The following CNTNAP5 variants were observed in gnomAD, a reference collection of about 807,000 sequenced individuals.
The protein encoded by CNTNAP5 is contactin associated protein family member 5.
Under a neutral mutation model 150.2 loss-of-function variants are expected in CNTNAP5, and 72 were observed. The ratio of observed to expected loss-of-function variants is 0.48; its 90% CI spans 0.40 to 0.58. The LOEUF (loss-of-function observed/expected upper bound fraction) is 0.58. Ranked by LOEUF, CNTNAP5 falls within the 20% of genes least tolerant of loss-of-function variation. CNTNAP5 has a pLI of 0.00. For missense variants in CNTNAP5, 1,636 were observed against 1,626.2 expected, an observed-to-expected ratio of 1.01 and a Z score of -0.10; for synonymous variants, 672 against 619.8, an observed-to-expected ratio of 1.08 and a Z score of -1.25.
chr2:124,399,197 G>C (rs562573572), intron 3 of CNTNAP5, among the ~76,000 whole-genome samples: 1 of 152,082 alleles, frequency 6.6e-6, no homozygotes, highest in African/African-American at 2.4e-5. Context: ...AACAGAAAAA[G>C]TTGAAAGTCA....
intron 13 of CNTNAP5, among the ~76,000 whole-genome samples, chr2:124,656,018 G>C (rs1388921399): frequency 7.4e-6 from 1 of 134,830 alleles, no homozygotes; most frequent in Non-Finnish European, 1.6e-5. Context: ...AAGGAAGGAA[G>C]GAAGGGAGGG....
chr2:124,733,462 G>A (rs945544230), intron 13 of CNTNAP5, among the ~76,000 whole-genome samples: 1 of 152,068 alleles, frequency 6.6e-6, no homozygotes, highest in Non-Finnish European at 1.5e-5. Flanking sequence ...ATTTACATAT[G>A]TCAAAATGTG....
At position 124,056,249 on chromosome 2, in the gene CNTNAP5, G is replaced by A. The variant is rs114844439; in HGVS notation, c.82+30517G>A. Among the ~76,000 whole-genome samples the A allele has an allele frequency of 4.1e-3, 621 of 152,210 alleles. 3 individuals are homozygous for A. Among genetic ancestry groups the A allele is most frequent in the African/African-American group, 0.014 (580 of 41,518 alleles). Reference sequence around the variant, plus strand: ...CTTCCAAATTAGAGAGAAGCTGGTCGGAAATTGACCATCTCCTCTCACTAG... The same window carrying A: ...CTTCCAAATTAGAGAGAAGCTGGTCAGAAATTGACCATCTCCTCTCACTAG... On this transcript the variant is annotated intron_variant, in intron 1 of 23. Coordinates refer to ENST00000682447, the MANE Select transcript of CNTNAP5 (RefSeq NM_001367498.1).
intron 1 of CNTNAP5, among the ~76,000 whole-genome samples, chr2:124,046,456 A>C (rs1681541382): frequency 6.7e-6 from 1 of 150,142 alleles, no homozygotes; most frequent in East Asian, 1.9e-4. Flanking sequence ...AAAACAGAGA[A>C]TAACAGGTTA....
chr2:124,206,393 C>T (rs931081038), intron 1 of CNTNAP5, among the ~76,000 whole-genome samples: 3 of 152,140 alleles, frequency 2.0e-5, no homozygotes, highest in Non-Finnish European at 4.4e-5. Flanking sequence ...CCTTGCAGGA[C>T]ATTTTGTGAT....
chr2:124,789,159 G>A (rs770056871), intron 17 of CNTNAP5, among the ~76,000 whole-genome samples: 2 of 152,174 alleles, frequency 1.3e-5, no homozygotes, highest in African/African-American at 2.4e-5. Flanking sequence ...CTAAGTTGGT[G>A]TACCTAACAG....
At chr2:124,802,874 C>T (rs1167577926) in intron 19 of CNTNAP5, among the ~76,000 whole-genome samples, 1 of 152,078 alleles carries the variant, frequency 6.6e-6, no homozygotes, top group Non-Finnish European at 1.5e-5. Flanking sequence ...CCTGTAATCC[C>T]AGCACTTTGG....
intron 13 of CNTNAP5, among the ~76,000 whole-genome samples, chr2:124,717,490 C>T (rs912470449): frequency 6.6e-6 from 1 of 152,174 alleles, no homozygotes; most frequent in African/African-American, 2.4e-5. Context: ...AAAGCATTGA[C>T]TTGACATCAG....
chr2:124,554,425 T>C (rs894535457), intron 10 of CNTNAP5, among the ~76,000 whole-genome samples: 1 of 149,458 alleles, frequency 6.7e-6, no homozygotes, highest in African/African-American at 2.4e-5. Context: ...CTTTTTTCTT[T>C]TTTTTTTTTT....
At chr2:124,516,112 C>T (rs1694710748) in intron 8 of CNTNAP5, among the ~76,000 whole-genome samples, 1 of 152,094 alleles carries the variant, frequency 6.6e-6, no homozygotes. Context: ...ACTCAATCTA[C>T]CATAAGTAGG....
At chr2:124,312,658 C>T (rs2104659200) in intron 3 of CNTNAP5, among the ~76,000 whole-genome samples, 1 of 152,360 alleles carries the variant, frequency 6.6e-6, no homozygotes, top group South Asian at 2.1e-4. Flanking sequence ...GCAAGCTCCG[C>T]CTCCTGGGTT....
chr2:124,648,939 G>T (rs1353924934), intron 13 of CNTNAP5, among the ~76,000 whole-genome samples: 1 of 152,170 alleles, frequency 6.6e-6, no homozygotes, highest in Non-Finnish European at 1.5e-5. Context: ...CAACAAAGGG[G>T]AAATCATAGA....
chr2:124,511,494 C>T (rs1398236524), intron 8 of CNTNAP5, among the ~76,000 whole-genome samples: 1 of 152,204 alleles, frequency 6.6e-6, no homozygotes, highest in Non-Finnish European at 1.5e-5. Context: ...GTCAGCCTAC[C>T]TGTGCTCTAA....
intron 8 of CNTNAP5, among the ~76,000 whole-genome samples, chr2:124,507,461 A>T (rs1694437902): frequency 1.3e-5 from 2 of 152,160 alleles, no homozygotes; most frequent in Admixed American, 6.6e-5. Context: ...CCCATCTCAA[A>T]AAAACAAAAC....
chr2:124,069,987 A>T (rs554514359), intron 1 of CNTNAP5, among the ~76,000 whole-genome samples: 1 of 152,306 alleles, frequency 6.6e-6, no homozygotes, highest in East Asian at 1.9e-4. Context: ...AACATTTTAA[A>T]ACATATATAG....
In CNTNAP5 at chr2:124,532,357, T is replaced by C. The variant is rs114581040; in HGVS notation, c.1649+4901T>C. ...GACATTCAGAGTGGCATGCAATGTC[T>C]AGCAGGGTCTGAGTGGAGTAAGGTG... On this transcript the variant is annotated intron_variant, in intron 10 of 23. Transcript: ENST00000682447. Among the ~76,000 whole-genome samples the C allele has an allele frequency of 4.2e-3, 637 of 152,292 alleles. 5 individuals are homozygous for C. The highest frequency in any genetic ancestry group is 0.015 in the African/African-American group (613 of 41,562).
chr2:124,063,989 A>G (rs1156597159), intron 1 of CNTNAP5, among the ~76,000 whole-genome samples: 1 of 152,150 alleles, frequency 6.6e-6, no homozygotes, highest in Non-Finnish European at 1.5e-5. Flanking sequence ...AAGAAAACAT[A>G]TTGCTCCCGT....
At chr2:124,545,391 G>A (rs1279678950) in intron 10 of CNTNAP5, among the ~76,000 whole-genome samples, 1 of 152,096 alleles carries the variant, frequency 6.6e-6, no homozygotes, top group African/African-American at 2.4e-5. Context: ...AAACCCCCAA[G>A]TTCTGTGACT....
At chr2:124,068,851 C>T (rs549972562) in intron 1 of CNTNAP5, among the ~76,000 whole-genome samples, 6 of 151,922 alleles carry the variant, frequency 3.9e-5, no homozygotes, top group South Asian at 2.1e-4. Context: ...CTAGATATAC[C>T]GTAGGCCAGA....
Sources: allele counts gnomAD v4.1 joint callset (sites outside exome capture counted in the v4.1 genomes callset), GRCh38; gene constraint gnomAD v4.1.1; transcripts MANE v1.5; gene names NCBI Gene and HGNC (gene_info 2026-07-23, HGNC 2026-07-21).